Variants in DTNA observed in about 807,000 individuals in gnomAD.
The protein encoded by DTNA is dystrophin-related protein 3.
In DTNA, 43 loss-of-function variants were observed where a neutral mutation model predicts 100.7. The ratio of observed to expected loss-of-function variants is 0.43; its 90% CI spans 0.33 to 0.55. The LOEUF (loss-of-function observed/expected upper bound fraction) is 0.55. DTNA is among the 20% of genes least tolerant of loss of function. The probability of loss-of-function intolerance (pLI) is 0.04; values close to 1 mark genes in which losing one functional copy is unlikely to be tolerated. For missense variants in DTNA, 798 were observed against 953.9 expected, an observed-to-expected ratio of 0.84 and a Z score of 2.15; for synonymous variants, 349 against 347.9, an observed-to-expected ratio of 1.00 and a Z score of -0.04.
intron 1 of DTNA, among the ~76,000 whole-genome samples, chr18:34,563,089 G>A (rs1030253679): frequency 6.6e-6 from 1 of 152,304 alleles, no homozygotes; most frequent in East Asian, 1.9e-4. Flanking sequence ...CCCAGTGGCA[G>A]TTTCACGTGG....
At chr18:34,716,838 G>A (rs545555236) in intron 1 of DTNA, among the ~76,000 whole-genome samples, 24 of 152,244 alleles carry the variant, frequency 1.6e-4, no homozygotes, top group South Asian at 1.4e-3. Flanking sequence ...TGTCTTCACC[G>A]CTGATTTGCA....
At chr18:34,623,564 T>A (rs1240183480) in intron 1 of DTNA, among the ~76,000 whole-genome samples, 1 of 152,202 alleles carries the variant, frequency 6.6e-6, no homozygotes, top group Non-Finnish European at 1.5e-5. Context: ...TAGGCTAGAA[T>A]CAGTAACTAC....
intron 6 of DTNA, among the ~76,000 whole-genome samples, chr18:34,813,423 G>C (rs372365993): frequency 6.8e-6 from 1 of 146,170 alleles, no homozygotes; most frequent in East Asian, 2.0e-4. Context: ...CAGCCTGGGC[G>C]ACAGAGCAAG....
intron 3 of DTNA, among the ~76,000 whole-genome samples, chr18:34,779,448 G>A (rs935003968): frequency 6.6e-6 from 1 of 152,150 alleles, no homozygotes; most frequent in Non-Finnish European, 1.5e-5. Flanking sequence ...TCTAGAGGTA[G>A]CTATTTGATA....
chr18:34,666,501 C>G (rs1021756857), intron 1 of DTNA, among the ~76,000 whole-genome samples: 86 of 152,098 alleles, frequency 5.7e-4, no homozygotes, highest in African/African-American at 2.0e-3. Flanking sequence ...TTGCCCATGC[C>G]TATGTCCTGA....
intron 1 of DTNA, among the ~76,000 whole-genome samples, chr18:34,659,730 T>C (rs2074919352): frequency 6.6e-6 from 1 of 152,122 alleles, no homozygotes; most frequent in Admixed American, 6.6e-5. Flanking sequence ...AAATACTTCC[T>C]CTCACCAGCC....
chr18:34,591,266 T>A (rs370826062), intron 1 of DTNA, among the ~76,000 whole-genome samples: 1 of 152,228 alleles, frequency 6.6e-6, no homozygotes, highest in African/African-American at 2.4e-5. Context: ...ACTTGGTACA[T>A]AATATACATT....
In DTNA at chr18:34,889,378, C is replaced by T. The variant is rs906181550; in HGVS notation, c.*1644C>T. 34 of 984,562 alleles carry T rather than the reference C, an allele frequency of 3.5e-5. No individual in the cohort carries two copies. The highest frequency in any genetic ancestry group is 4.1e-5 in the Non-Finnish European group (34 of 829,296). The allele number at this position is 984,562 out of a possible 1,614,324, so 61.0% of individuals were successfully genotyped here. ...GGGTCCAGAAGTCTGTTTTAGTCAA[C>T]CCTCTAGGTGATTCTGATGCTCGCT... On this transcript the variant is annotated 3_prime_UTR_variant, in exon 23 of 23. Transcript: ENST00000444659.
chr18:34,619,161 T>C (rs1266629526), intron 1 of DTNA, among the ~76,000 whole-genome samples: 2 of 152,212 alleles, frequency 1.3e-5, no homozygotes, highest in African/African-American at 4.8e-5. Flanking sequence ...TAAATGCAAA[T>C]GGTTTAGCAT....
chr18:34,656,456 G>T (rs2074386153), intron 1 of DTNA, among the ~76,000 whole-genome samples: 3 of 152,084 alleles, frequency 2.0e-5, no homozygotes, highest in Admixed American at 2.0e-4. Flanking sequence ...AGGGGAACAG[G>T]GTGCTAAAAA....
At chr18:34,639,273 C>T (rs1481248087) in intron 1 of DTNA, among the ~76,000 whole-genome samples, 1 of 152,196 alleles carries the variant, frequency 6.6e-6, no homozygotes, top group African/African-American at 2.4e-5. Flanking sequence ...TAGCAGCATC[C>T]TTGCCTTCCT....
intron 16 of DTNA, among the ~76,000 whole-genome samples, chr18:34,862,764 C>T (rs1225815267): frequency 6.6e-6 from 1 of 152,144 alleles, no homozygotes; most frequent in African/African-American, 2.4e-5. Flanking sequence ...TATGCCACTG[C>T]ACTCCAGCGT....
chr18:34,887,804 A>C lies in DTNA; in HGVS notation c.*70A>C. ...AGACAGATGATGAAAGTAACATGAA[A>C]ACTGGTGATGATGGAGAGCCCTGTG... On this transcript the variant is annotated 3_prime_UTR_variant, in exon 23 of 23. Coordinates refer to ENST00000444659, the MANE Select transcript of DTNA (RefSeq NM_001386795.1). 1 of 985,808 alleles carries C rather than the reference A, an allele frequency of 1.0e-6. No homozygotes were observed. The highest frequency in any genetic ancestry group is 1.2e-6 in the Non-Finnish European group (1 of 829,946). The allele number at this position is 985,808 out of a possible 1,614,324, so 61.1% of individuals were successfully genotyped here.
intron 1 of DTNA, among the ~76,000 whole-genome samples, chr18:34,646,904 C>G (rs1044745150): frequency 2.6e-5 from 4 of 151,890 alleles, no homozygotes; most frequent in African/African-American, 9.7e-5. Flanking sequence ...TTCGTAGAGA[C>G]GGGGTTTCTC....
Position 34,875,296 on chromosome 18 carries a change from C to G in DTNA, c.1801C>G (p.Pro601Ala). The change falls in exon 18 of 23, where the codon CCC (proline) becomes GCC (alanine). Residue 601 changes from proline (P) to alanine (A), a missense_variant. Pro to Ala is a conservative substitution (Grantham distance 27, BLOSUM62 -1). Coordinates refer to ENST00000444659, the MANE Select transcript of DTNA (RefSeq NM_001386795.1). ...SPSHTISRPI[P>A]MPIRSASACS... ...CAGCCACACCATCAGCAGGCCAATT[C>G]CCATGCCCATCCGGTCAGCGTCAGC... 1 of 1,614,234 alleles carries G rather than the reference C, an allele frequency of 6.2e-7. No homozygotes were observed.
chr18:34,632,081 T>C (rs1205347924), intron 1 of DTNA, among the ~76,000 whole-genome samples: 1 of 152,218 alleles, frequency 6.6e-6, no homozygotes, highest in Non-Finnish European at 1.5e-5. Context: ...ATTTCTGTTT[T>C]TCTTTAATCC....
chr18:34,495,554 G>A (rs1329888069), intron 1 of DTNA, among the ~76,000 whole-genome samples: 1 of 152,166 alleles, frequency 6.6e-6, no homozygotes, highest in Non-Finnish European at 1.5e-5. Context: ...GATTTTTGAG[G>A]AAGTTTAGTT....
intron 1 of DTNA, among the ~76,000 whole-genome samples, chr18:34,733,641 T>C (rs1601054704): frequency 1.3e-5 from 2 of 152,194 alleles, no homozygotes; most frequent in Non-Finnish European, 2.9e-5. Context: ...TCTTCAAAGA[T>C]GCAGGTGCTG....
chr18:34,808,643 C>A (rs2095420826), intron 5 of DTNA, among the ~76,000 whole-genome samples: 1 of 152,130 alleles, frequency 6.6e-6, no homozygotes, highest in African/African-American at 2.4e-5. Context: ...TTGATTAGAT[C>A]TTTACAATTG....
Sources: gnomAD v4.1 joint callset for allele counts (sites outside exome capture counted in the v4.1 genomes callset) on GRCh38, gnomAD v4.1.1 for gene constraint, MANE v1.5 for transcripts, NCBI Gene and HGNC (gene_info 2026-07-23, HGNC 2026-07-21) for gene names.